UBN1: variants seen among roughly 807,000 people sequenced by gnomAD.
The protein encoded by UBN1 is ubinuclein 1, also known as ubinuclein-1.
UBN1 carries 17 observed loss-of-function variants against 108.5 expected under a neutral mutation model. The ratio of observed to expected loss-of-function variants is 0.16; its 90% CI spans 0.11 to 0.24. The LOEUF is 0.24. UBN1 is among the 10% of genes least tolerant of loss of function. The probability of loss-of-function intolerance (pLI) is 1.00; values close to 1 mark genes in which losing one functional copy is unlikely to be tolerated. For missense variants in UBN1, 1,595 were observed against 1,394.4 expected (o/e 1.14, Z -2.29); for synonymous variants, 726 against 564.2 (o/e 1.29, Z -4.07).
chr16:4,876,891 G>C lies in UBN1; in HGVS notation c.3045G>C (p.Val1015=). ...CCTAGAAAGGAGCGAGTGGGACTGT[G>C]CTGCTGGCCGGCTCCTCTTTGATGG... The part of the protein sequence containing the change: ...TSLSKGASGT[V]LLAGSSLMAS... The change falls in exon 16 of 18, where the codon GTG becomes GTC. Residue 1015 remains valine, a synonymous_variant. Coordinates refer to ENST00000262376, the MANE Select transcript of UBN1 (RefSeq NM_001079514.3). The C allele has an allele frequency of 1.2e-6, 2 of 1,610,192 alleles. No homozygotes were observed. Among genetic ancestry groups the C allele is most frequent in the Non-Finnish European group, 1.7e-6 (2 of 1,177,824 alleles).
chr16:4,860,922 G>C lies in UBN1; in HGVS notation c.930G>C (p.Ser310=). The change falls in exon 7 of 18, where the codon TCG becomes TCC. Residue 310 remains serine, a synonymous_variant. Transcript: ENST00000262376. The part of the protein sequence containing the change: ...DLLQAATAMD[S]LTDLDLEHLL... ...TCCAGGCGGCCACTGCCATGGACTC[G>C]CTGACGGATTTGGACTTGGAGCATC... The C allele has an allele frequency of 6.2e-7, 1 of 1,614,220 alleles. No homozygotes were observed. The highest frequency in any genetic ancestry group is 2.2e-5 in the East Asian group (1 of 44,888).
intron 15 of UBN1, among the ~76,000 whole-genome samples, chr16:4,876,447 A>G (rs1385344356): frequency 6.6e-6 from 1 of 152,116 alleles, no homozygotes; most frequent in Admixed American, 6.5e-5. Flanking sequence ...ATGTGTGTGT[A>G]TGTATGTATA....
chr16:4,863,377 A>G (rs1047613156), intron 7 of UBN1, among the ~76,000 whole-genome samples: 1 of 152,136 alleles, frequency 6.6e-6, no homozygotes, highest in African/African-American at 2.4e-5. Flanking sequence ...CCCTGATCCC[A>G]CTGAGAATCT....
chr16:4,874,640 C>T lies in UBN1; in HGVS notation c.2230C>T (p.Leu744=). 1 of 1,614,230 alleles carries T rather than the reference C, an allele frequency of 6.2e-7. No homozygotes were observed. Among genetic ancestry groups the T allele is most frequent in the Non-Finnish European group, 8.5e-7 (1 of 1,180,046 alleles). ...CCTCAATTTTCTGGCAGAACAGGCT[C>T]TGGCACTGGGGCAGTCCTCTCAGGA... ...SPLNFLAEQA[L]ALGQSSQEKK... The change falls in exon 15 of 18, where the codon CTG becomes TTG. Residue 744 remains leucine, a synonymous_variant. Transcript: ENST00000262376.
intron 1 of UBN1, among the ~76,000 whole-genome samples, chr16:4,849,037 T>C (rs1241586739): frequency 6.6e-6 from 1 of 151,810 alleles, no homozygotes; most frequent in East Asian, 1.9e-4. Flanking sequence ...GAAGCGGAGG[T>C]TGCCGTGAGC....
At chr16:4,858,538 A>G in intron 3 of UBN1, 30 bp from the exon 4 acceptor site, 2 of 1,601,292 alleles carry the variant, frequency 1.2e-6, no homozygotes, top group South Asian at 1.1e-5. Context: ...TTATTCAAAA[A>G]GCATGTAATC....
Position 4,874,238 on chromosome 16 carries a change from G to A in UBN1, c.1828G>A (p.Val610Ile). Reference protein sequence around the residue: ...KESSTKPDKKVSVPSGQIGGP... With the variant: ...KESSTKPDKKISVPSGQIGGP... The stretch of plus-strand genomic sequence containing the variant: ...ATCGTCTACGAAGCCTGATAAAAAG[G>A]TTTCTGTCCCATCAGGACAGATTGG... Residue 610 changes from valine (V) to isoleucine (I), a missense_variant, in exon 15 of 18, where the codon GTT (valine) becomes ATT (isoleucine). This residue lies in a region of UBN1 where 1,398 missense variants were observed against 1,194.7 expected (regional missense o/e 1.17). Transcript: ENST00000262376. 1.3e-6 allele frequency: 2 copies of A among 1,570,270 alleles called. No individual in the cohort carries two copies. The highest frequency in any genetic ancestry group is 1.7e-6 in the Non-Finnish European group (2 of 1,158,934).
At chr16:4,867,485 T>G (rs943336898) in intron 7 of UBN1, among the ~76,000 whole-genome samples, 3 of 152,222 alleles carry the variant, frequency 2.0e-5, no homozygotes, top group Non-Finnish European at 4.4e-5. Context: ...ACCAATCCCC[T>G]GCCTATACCA....
intron 3 of UBN1, 144 bp downstream of exon 3, chr16:4,858,220 C>T (rs1444382218): frequency 2.9e-6 from 2 of 696,978 alleles, no homozygotes; most frequent in Middle Eastern, 2.4e-4. Flanking sequence ...AGTTATTAAA[C>T]CTAACGCATT....
At chr16:4,854,762 G>T (rs998151605) in intron 2 of UBN1, among the ~76,000 whole-genome samples, 4 of 149,368 alleles carry the variant, frequency 2.7e-5, no homozygotes, top group African/African-American at 9.9e-5. Context: ...TCGCTCTGTC[G>T]CCCAGGCTGG....
chr16:4,850,920 A>T (rs150940281), intron 1 of UBN1, among the ~76,000 whole-genome samples: 1 of 152,382 alleles, frequency 6.6e-6, no homozygotes, highest in African/African-American at 2.4e-5. Context: ...ATAAAGAAGG[A>T]TAATAAACAT....
Position 4,877,312 on chromosome 16 carries a change from G to A in UBN1, c.3266-73G>A. 6.4e-7 allele frequency: 1 copy of A among 1,553,208 alleles called. No individual in the cohort carries two copies. ...GGCAGGTTATCGGGGGCTTTTGGCT[G>A]CTGGAGCTGCTTTCCTGTTCCTGTC... On this transcript the variant is annotated intron_variant, in intron 16 of 17. Transcript: ENST00000262376. This position sits in a 1 kb window ranked among gnomAD's most constrained non-coding sequence, Gnocchi z 4.3.
At chr16:4,868,995 A>T in intron 8 of UBN1, 92 bp downstream of exon 8, 2 of 1,304,952 alleles carry the variant, frequency 1.5e-6, no homozygotes, top group Non-Finnish European at 2.2e-6. Flanking sequence ...AGTACAATTG[A>T]ACTGCATAAA....
At position 4,871,237 on chromosome 16, in the gene UBN1, T is replaced by C; in HGVS notation, c.1642T>C (p.Cys548Arg). ...CAACAAAGCCCAGGCTTGGGAGGAC[T>C]GTGTGAAGGGCTTTCTGGATGCGGA... ...RNNKAQAWED[C>R]VKGFLDAEVK... Residue 548 changes from cysteine (C) to arginine (R), a missense_variant, in exon 12 of 18, where the codon TGT (cysteine) becomes CGT (arginine). Coordinates refer to ENST00000262376, the MANE Select transcript of UBN1 (RefSeq NM_001079514.3). 6.2e-7 allele frequency: 1 copy of C among 1,614,204 alleles called. No homozygotes were observed. Among genetic ancestry groups the C allele is most frequent in the Admixed American group, 1.7e-5 (1 of 60,024 alleles).
chr16:4,859,302 G>A (rs2086947637), intron 5 of UBN1, 143 bp downstream of exon 5: 4 of 1,186,098 alleles, frequency 3.4e-6, no homozygotes, highest in South Asian at 1.5e-5. Context: ...TTGATGGCTC[G>A]CCTCTTACAC....
Position 4,880,134 on chromosome 16 carries a change from C to A in UBN1, c.*2C>A. The A allele has an allele frequency of 2.5e-6, 4 of 1,613,914 alleles. No individual in the cohort carries two copies. In the East Asian group the frequency reaches 6.7e-5, roughly 27 times the overall value. ...CCTGCTGTACCACGGAAATTGTGACCGCTTCAGAGGCAAGGCTTGCCACTT... is the reference window on the plus strand; with the variant it reads ...CCTGCTGTACCACGGAAATTGTGACAGCTTCAGAGGCAAGGCTTGCCACTT... On this transcript the variant is annotated 3_prime_UTR_variant, in exon 18 of 18. Coordinates refer to ENST00000262376, the MANE Select transcript of UBN1 (RefSeq NM_001079514.3).
At chr16:4,869,793 G>A (rs2087525095) in intron 8 of UBN1, among the ~76,000 whole-genome samples, 1 of 152,038 alleles carries the variant, frequency 6.6e-6, no homozygotes, top group African/African-American at 2.4e-5. Flanking sequence ...GAGGGGTGAG[G>A]CTTTCCCTGA....
rs1045318397 is a variant in UBN1, at chr16:4,882,070, G to C, written c.*1938G>C. The C allele has an allele frequency of 6.6e-6, 1 of 152,378 alleles. No homozygotes were observed. Among genetic ancestry groups the C allele is most frequent in the African/African-American group, 2.4e-5 (1 of 41,340 alleles). The allele number at this position is 152,378 out of a possible 1,614,324, so 9.4% of individuals were successfully genotyped here. A position where few individuals can be genotyped will look rare whatever the true frequency, so the allele number is the denominator to read the frequency against. On this transcript the variant is annotated 3_prime_UTR_variant, in exon 18 of 18. Coordinates refer to ENST00000262376, the MANE Select transcript of UBN1 (RefSeq NM_001079514.3). ...GGGGAGTTTGAGATTTCTTTTCCTT[G>C]TTTATGCTTTATTTGTGGTAATGAA...
Position 4,847,968 on chromosome 16 carries a change from G to T in UBN1, c.-282G>T, listed in dbSNP as rs2086281732. On this transcript the variant is annotated 5_prime_UTR_variant, in exon 1 of 18. Transcript: ENST00000262376. ...GAGGCTGCTCCCCCGACCCCCTGGT[G>T]TCCCCGGAGTGGCTGCGCGGACGTC... is the stretch of plus-strand genomic sequence containing the variant. The T allele has an allele frequency of 6.5e-6, 1 of 152,812 alleles. No homozygotes were observed. Among genetic ancestry groups the T allele is most frequent in the Non-Finnish European group, 1.5e-5 (1 of 68,558 alleles). 9.5% of individuals were successfully genotyped at this position (152,812 alleles called of 1,614,324 possible).
Sources: gnomAD v4.1 joint callset for allele counts (sites outside exome capture counted in the v4.1 genomes callset) on GRCh38, gnomAD v4.1.1 for gene constraint, gnomAD v4.1.1 regional missense constraint, Gnocchi (gnomAD v3.1) non-coding constraint, MANE v1.5 for transcripts, NCBI Gene and HGNC (gene_info 2026-07-23, HGNC 2026-07-21) for gene names.